Variants in RBFOX2 observed in about 807,000 individuals in gnomAD.
RBFOX2 encodes RNA binding fox-1 homolog 2, also known as RNA binding protein fox-1 homolog 2.
Under a neutral mutation model 49.1 loss-of-function variants are expected in RBFOX2, and 10 were observed. The ratio of observed to expected loss-of-function variants is 0.20; its 90% CI spans 0.13 to 0.35. The LOEUF is 0.35. Among genes scored for constraint, RBFOX2 ranks in the 10% least tolerant of loss-of-function variants. RBFOX2 has a pLI of 1.00. For synonymous variants in RBFOX2, 183 were observed against 187.4 expected, an observed-to-expected ratio of 0.98 and a Z score of 0.19; for missense variants, 323 against 486.9, an observed-to-expected ratio of 0.66 and a Z score of 3.17.
At chr22:35,917,931 A>G (rs2050611343) in intron 1 of RBFOX2, among the ~76,000 whole-genome samples, 1 of 152,258 alleles carries the variant, frequency 6.6e-6, no homozygotes, top group African/African-American at 2.4e-5. Context: ...TGAAGGCTCA[A>G]TATCACAGAC....
Position 35,982,939 on chromosome 22 carries a change from CT to C in RBFOX2, c.187-44043del, listed in dbSNP as rs139687689. Among the ~76,000 whole-genome samples the C allele has an allele frequency of 3.3e-3, 500 of 152,242 alleles. 1 individual carries two copies. Among genetic ancestry groups the C allele is most frequent in the African/African-American group, 0.011 (467 of 41,542 alleles). ...ACACAAATAGCTTTTCAGGACTCCTCTTTCTTTGACAGCTGTTTCACCCACC... is the reference window on the plus strand; with the variant it reads ...ACACAAATAGCTTTTCAGGACTCCTCTTCTTTGACAGCTGTTTCACCCACC... On this transcript the variant is annotated intron_variant, in intron 1 of 13. Transcript: ENST00000438146.
chr22:35,999,983 T>TTATATATATATATA (rs373901120), intron 1 of RBFOX2: 41 of 135,578 alleles, frequency 3.0e-4, no homozygotes, highest in Non-Finnish European at 2.8e-4. Flanking sequence ...AATATAAAAG[T>TTATATATATATATA]TATATATATA....
chr22:36,023,622 T>C (rs78281698), intron 1 of RBFOX2, among the ~76,000 whole-genome samples: 6,826 of 152,302 alleles, frequency 0.045, 498 homozygotes, highest in African/African-American at 0.16. Context: ...GAACCTCTAA[T>C]AGCCCTATAT....
intron 1 of RBFOX2, among the ~76,000 whole-genome samples, chr22:35,892,887 A>G (rs1374097951): frequency 6.6e-6 from 1 of 152,198 alleles, no homozygotes; most frequent in Non-Finnish European, 1.5e-5. Context: ...GGCTAAACCT[A>G]CACTAAAACT....
intron 1 of RBFOX2, among the ~76,000 whole-genome samples, chr22:35,810,913 T>A (rs1248869334): frequency 6.6e-6 from 1 of 152,126 alleles, no homozygotes; most frequent in Admixed American, 6.5e-5. Flanking sequence ...TATATTGTTT[T>A]TAATACTAAA....
At chr22:35,743,965 A>T in exon 12 of RBFOX2, 3 of 398,268 alleles carry the variant, frequency 7.5e-6, no homozygotes, top group Non-Finnish European at 8.9e-6. Flanking sequence ...AAAAAAAAAA[A>T]GAAAAAAATG....
chr22:35,875,607 G>GGGGTGTGTGT (rs1171006043), intron 1 of RBFOX2, among the ~76,000 whole-genome samples: 18 of 117,726 alleles, frequency 1.5e-4, no homozygotes, highest in South Asian at 6.3e-4. Flanking sequence ...TGCTCACAAG[G>GGGGTGTGTGT]GTGTGTGTGT....
intron 4 of RBFOX2, among the ~76,000 whole-genome samples, chr22:35,774,823 CTTA>C (rs1217239363): frequency 6.6e-6 from 1 of 152,052 alleles, no homozygotes; most frequent in East Asian, 1.9e-4. Context: ...GGGTGATGGT[CTTA>C]TTATACAAAA....
intron 3 of RBFOX2, among the ~76,000 whole-genome samples, chr22:35,778,800 C>A (rs975805701): frequency 6.6e-6 from 1 of 152,110 alleles, no homozygotes; most frequent in African/African-American, 2.4e-5. Context: ...CCACGTCCAG[C>A]TAATTTTTGT....
intron 1 of RBFOX2, among the ~76,000 whole-genome samples, chr22:35,871,329 G>C (rs1293591796): frequency 1.3e-5 from 2 of 152,182 alleles, no homozygotes; most frequent in Admixed American, 1.3e-4. Flanking sequence ...AGGAAACTAG[G>C]AAGCTCTGAT....
chr22:35,840,292 C>T, exon 1 of RBFOX2: 8 of 1,612,718 alleles, frequency 5.0e-6, no homozygotes, highest in Admixed American at 1.7e-5. Context: ...TCTTTTCCAC[C>T]CCCCTCCCCC....
chr22:35,966,982 T>G lies in RBFOX2; in HGVS notation c.187-28085A>C, dbSNP rs1391551251. ...CACATGGCATTATGCGCAGTCAACT[T>G]TAAAAAAAAAAAAAATTGTAGAGAT... is the stretch of plus-strand genomic sequence containing the variant. On this transcript the variant is annotated intron_variant, in intron 1 of 13. Transcript: ENST00000438146. Among the ~76,000 whole-genome samples, 3 of 148,986 alleles carry G rather than the reference T, an allele frequency of 2.0e-5. No individual in the cohort carries two copies. The East Asian group carries it at 5.9e-4, about 29-fold the overall frequency.
intron 1 of RBFOX2, among the ~76,000 whole-genome samples, chr22:35,958,131 AATTTT>A (rs774799171): frequency 6.6e-6 from 1 of 152,232 alleles, no homozygotes; most frequent in Non-Finnish European, 1.5e-5. Context: ...CAAAATAATA[AATTTT>A]ATTTTAATTG....
chr22:35,900,259 G>A (rs994223531), intron 1 of RBFOX2, among the ~76,000 whole-genome samples: 7 of 152,054 alleles, frequency 4.6e-5, no homozygotes, highest in African/African-American at 1.2e-4. Context: ...GATTACAGGC[G>A]CCTGCCACCA....
chr22:36,000,660 T>C (rs1350956178), intron 1 of RBFOX2, among the ~76,000 whole-genome samples: 3 of 152,122 alleles, frequency 2.0e-5, no homozygotes, highest in African/African-American at 7.2e-5. Context: ...TGTTTTTTTA[T>C]CTCCTGTGAT....
intron 1 of RBFOX2, among the ~76,000 whole-genome samples, chr22:35,837,703 T>C (rs1957941136): frequency 6.6e-6 from 1 of 152,220 alleles, no homozygotes; most frequent in South Asian, 2.1e-4. Flanking sequence ...TGATATTCTA[T>C]CCTTGCCAGT....
intron 1 of RBFOX2, among the ~76,000 whole-genome samples, chr22:35,976,951 G>A (rs1277300897): frequency 2.1e-5 from 3 of 145,290 alleles, no homozygotes; most frequent in South Asian, 2.1e-4. Context: ...GCGACAGACC[G>A]AGACTCCGTC....
chr22:35,761,539 T>C (rs1938871648), intron 6 of RBFOX2, 71 bp from the exon 8 acceptor site: 5 of 1,551,190 alleles, frequency 3.2e-6, no homozygotes, highest in African/African-American at 2.7e-5. Context: ...GCATGTCAAG[T>C]TGGCTTCAGC....
chr22:35,870,190 G>A (rs914562995), intron 1 of RBFOX2, among the ~76,000 whole-genome samples: 3 of 152,136 alleles, frequency 2.0e-5, no homozygotes, highest in Admixed American at 1.3e-4. Flanking sequence ...AAATTGGAAC[G>A]CAGGAGGCCC....
Sources: gnomAD v4.1 joint callset for allele counts (sites outside exome capture counted in the v4.1 genomes callset) on GRCh38, gnomAD v4.1.1 for gene constraint, MANE v1.5 for transcripts, NCBI Gene and HGNC (gene_info 2026-07-23, HGNC 2026-07-21) for gene names.